Variants in RABGAP1L observed in about 807,000 individuals in gnomAD.
RABGAP1L encodes RAB GTPase activating protein 1 like, also known as rab GTPase-activating protein 1-like.
RABGAP1L carries 63 observed loss-of-function variants against 137.7 expected under a neutral mutation model. The ratio of observed to expected loss-of-function variants is 0.46; its 90% CI spans 0.37 to 0.56. The LOEUF (loss-of-function observed/expected upper bound fraction) is 0.56. RABGAP1L is among the 20% of genes least tolerant of loss of function. The pLI, the probability that RABGAP1L is intolerant of heterozygous loss-of-function variation, is 0.00. For synonymous variants in RABGAP1L, 431 were observed against 433.7 expected (o/e 0.99, Z 0.08); for missense variants, 1,095 against 1,244.0 (o/e 0.88, Z 1.80).
At chr1:174,261,867 G>A (rs962778188) in intron 7 of RABGAP1L, among the ~76,000 whole-genome samples, 51 of 152,080 alleles carry the variant, frequency 3.4e-4, no homozygotes, top group Non-Finnish European at 1.2e-4. Context: ...AACTTTTACA[G>A]CAAAATAAAG....
chr1:174,951,365 T>G (rs1329330728), intron 19 of RABGAP1L, among the ~76,000 whole-genome samples: 1 of 152,226 alleles, frequency 6.6e-6, no homozygotes, highest in Non-Finnish European at 1.5e-5. Flanking sequence ...TCAACTTATT[T>G]GTAAAATCCA....
intron 19 of RABGAP1L, among the ~76,000 whole-genome samples, chr1:174,816,100 G>A (rs917810903): frequency 2.8e-5 from 4 of 143,240 alleles, no homozygotes; most frequent in East Asian, 2.1e-4. Context: ...GAATTTCTTT[G>A]TATGAACATA....
chr1:174,651,162 T>C (rs1466829707), intron 14 of RABGAP1L, among the ~76,000 whole-genome samples: 1 of 152,144 alleles, frequency 6.6e-6, no homozygotes, highest in East Asian at 1.9e-4. Flanking sequence ...AGTTTCTTAA[T>C]CCTGAGTTCT....
chr1:174,466,425 C>G (rs1038313530), intron 13 of RABGAP1L, among the ~76,000 whole-genome samples: 2 of 152,116 alleles, frequency 1.3e-5, no homozygotes, highest in Admixed American at 1.3e-4. Context: ...TGTACCTGAA[C>G]CTGTTAATAT....
intron 13 of RABGAP1L, among the ~76,000 whole-genome samples, chr1:174,408,563 CT>C (rs1391325180): frequency 2.6e-5 from 4 of 152,080 alleles, no homozygotes; most frequent in Non-Finnish European, 5.9e-5. Flanking sequence ...TATTTGTTTT[CT>C]TTTGGATATA....
At chr1:174,965,039 G>T in intron 20 of RABGAP1L, 1 of 1,275,146 alleles carries the variant, frequency 7.8e-7, no homozygotes, top group Non-Finnish European at 1.1e-6. Flanking sequence ...CTGTCTCTTT[G>T]AAAAATGCAG....
At chr1:174,855,583 T>G (rs963485414) in intron 19 of RABGAP1L, among the ~76,000 whole-genome samples, 1 of 152,338 alleles carries the variant, frequency 6.6e-6, no homozygotes, top group South Asian at 2.1e-4. Flanking sequence ...AGCTCTTACA[T>G]AAGTCTAAAT....
At chr1:174,680,195 T>C (rs1041257457) in intron 14 of RABGAP1L, among the ~76,000 whole-genome samples, 5 of 152,210 alleles carry the variant, frequency 3.3e-5, no homozygotes, top group Non-Finnish European at 7.3e-5. Flanking sequence ...AATGGTCCCA[T>C]TGTTTGTGTC....
chr1:174,610,366 C>G (rs1304961156), intron 13 of RABGAP1L, among the ~76,000 whole-genome samples: 1 of 151,564 alleles, frequency 6.6e-6, no homozygotes, highest in African/African-American at 2.4e-5. Context: ...TCATCCATGT[C>G]CCTACAAAGG....
At chr1:174,829,753 A>G (rs913561200) in intron 19 of RABGAP1L, among the ~76,000 whole-genome samples, 2 of 148,646 alleles carry the variant, frequency 1.3e-5, no homozygotes, top group African/African-American at 2.5e-5. Flanking sequence ...TAGATCACAA[A>G]TGATAGACTA....
chr1:174,546,848 G>T, intron 13 of RABGAP1L, among the ~76,000 whole-genome samples: 1 of 151,436 alleles, frequency 6.6e-6, no homozygotes, highest in Non-Finnish European at 1.5e-5. Flanking sequence ...GGCTAACACG[G>T]TGAAACCCCG....
Position 174,460,680 on chromosome 1 carries a change from C to G in RABGAP1L, c.1710+66535C>G, listed in dbSNP as rs555222635. 1.1e-4 allele frequency among the ~76,000 whole-genome samples: 16 copies of G among 152,210 alleles called. No homozygotes were observed. In the South Asian group the frequency reaches 3.3e-3, roughly 32 times the overall value. Reference sequence around the variant, plus strand: ...GTTTATCTTCACACTAATAATGTATCAAACTATGATGATTCATTGCAAACT... The same window carrying G: ...GTTTATCTTCACACTAATAATGTATGAAACTATGATGATTCATTGCAAACT... On this transcript the variant is annotated intron_variant, in intron 13 of 25. Coordinates refer to ENST00000681986, the MANE Select transcript of RABGAP1L (RefSeq NM_001366446.1).
chr1:174,767,562 C>T (rs945730465), intron 18 of RABGAP1L, among the ~76,000 whole-genome samples: 1 of 150,114 alleles, frequency 6.7e-6, no homozygotes, highest in Admixed American at 6.6e-5. Flanking sequence ...CTCACCCTGT[C>T]ACCCAGGCTG....
intron 7 of RABGAP1L, among the ~76,000 whole-genome samples, chr1:174,257,107 A>G (rs995172796): frequency 6.6e-6 from 1 of 152,204 alleles, no homozygotes; most frequent in African/African-American, 2.4e-5. Flanking sequence ...AAATTGCCCT[A>G]GAATCAACCA....
chr1:174,653,608 C>A (rs1483603704), intron 14 of RABGAP1L, among the ~76,000 whole-genome samples: 1 of 152,200 alleles, frequency 6.6e-6, no homozygotes, highest in Non-Finnish European at 1.5e-5. Context: ...ACTGTCTAAC[C>A]AGTCTCAATG....
At chr1:174,759,112 G>T (rs997935976) in intron 18 of RABGAP1L, among the ~76,000 whole-genome samples, 1 of 152,038 alleles carries the variant, frequency 6.6e-6, no homozygotes, top group Non-Finnish European at 1.5e-5. Flanking sequence ...CCTATGAAGT[G>T]CCAGGTACTG....
rs534928219 is a variant in RABGAP1L at position 174,858,342 on chromosome 1, A to G, written c.2340+46382A>G. Reference sequence around the variant, plus strand: ...AGTAATTTTAATATACTGTATATCCATGGTCCTCAACAGGGAGTGATTTTG... The same window carrying G: ...AGTAATTTTAATATACTGTATATCCGTGGTCCTCAACAGGGAGTGATTTTG... On this transcript the variant is annotated intron_variant, in intron 19 of 25. Coordinates refer to ENST00000681986, the MANE Select transcript of RABGAP1L (RefSeq NM_001366446.1). Among the ~76,000 whole-genome samples, 10 of 152,240 alleles carry G rather than the reference A, an allele frequency of 6.6e-5. No individual in the cohort carries two copies. The South Asian group carries it at 2.1e-3, about 32-fold the overall frequency.
intron 11 of RABGAP1L, among the ~76,000 whole-genome samples, chr1:174,337,080 C>T (rs1681548935): frequency 6.6e-6 from 1 of 151,392 alleles, no homozygotes; most frequent in Admixed American, 6.6e-5. Flanking sequence ...TAACAGATTA[C>T]CAAAAAAAAT....
chr1:174,590,244 C>T (rs1473889232), intron 13 of RABGAP1L, among the ~76,000 whole-genome samples: 1 of 144,540 alleles, frequency 6.9e-6, no homozygotes, highest in African/African-American at 2.5e-5. Flanking sequence ...AAAGTTAATG[C>T]TCTAACAACT....
Sources: gnomAD v4.1 joint callset for allele counts (sites outside exome capture counted in the v4.1 genomes callset) on GRCh38, gnomAD v4.1.1 for gene constraint, MANE v1.5 for transcripts, NCBI Gene and HGNC (gene_info 2026-07-23, HGNC 2026-07-21) for gene names.